The following CSMD1 variants were observed in gnomAD, a reference collection of about 807,000 sequenced individuals.
CSMD1 encodes the protein CUB and sushi domain-containing protein 1.
CSMD1 carries 213 observed loss-of-function variants against 417.5 expected under a neutral mutation model. The observed-to-expected ratio is 0.51, with a 90% CI of 0.46 to 0.57. The LOEUF is 0.57. CSMD1 is among the 20% of genes least tolerant of loss of function. CSMD1 has a pLI of 0.00. For synonymous variants in CSMD1, 2,862 were observed against 1,736.8 expected (o/e 1.65, Z -16.11); for missense variants, 6,923 against 4,529.7 (o/e 1.53, Z -15.17).
intron 2 of CSMD1, among the ~76,000 whole-genome samples, chr8:4,549,375 T>A (rs559983452): frequency 6.6e-6 from 1 of 152,260 alleles, no homozygotes; most frequent in African/African-American, 2.4e-5. Flanking sequence ...GGTATATTGG[T>A]TAACCTAAAC....
At chr8:3,622,610 T>C (rs966590228) in intron 7 of CSMD1, among the ~76,000 whole-genome samples, 5 of 152,212 alleles carry the variant, frequency 3.3e-5, no homozygotes, top group Non-Finnish European at 5.9e-5. Context: ...CAAAATGATT[T>C]AGACAAGCCT....
intron 2 of CSMD1, among the ~76,000 whole-genome samples, chr8:4,560,209 G>A (rs1443719028): frequency 2.0e-5 from 3 of 152,228 alleles, no homozygotes; most frequent in African/African-American, 7.2e-5. Context: ...AGCAGCAGCA[G>A]CAAAGCTAAG....
chr8:4,283,458 T>G (rs1347256279), intron 3 of CSMD1, among the ~76,000 whole-genome samples: 1 of 152,192 alleles, frequency 6.6e-6, no homozygotes, highest in Non-Finnish European at 1.5e-5. Flanking sequence ...AATTATCTCT[T>G]GCATTTTTAC....
Position 4,110,737 on chromosome 8 carries a change from C to T in CSMD1, c.416-78638G>A, listed in dbSNP as rs181883387. On this transcript the variant is annotated intron_variant, in intron 3 of 69. Transcript: ENST00000635120. ...TTTTCCCCTTTCTCATGCTCTCAAC[C>T]ATCCAGAGGTTCATGAACTCAGATT... Among the ~76,000 whole-genome samples the T allele has an allele frequency of 3.5e-3, 535 of 152,136 alleles. 3 individuals carry two copies. Among genetic ancestry groups the T allele is most frequent in the Middle Eastern group, 0.02 (6 of 294 alleles).
intron 12 of CSMD1, among the ~76,000 whole-genome samples, chr8:3,429,599 A>G (rs756556105): frequency 1.1e-4 from 17 of 152,328 alleles, no homozygotes; most frequent in East Asian, 3.9e-4. Context: ...ACAATGTTCA[A>G]TATCTTGACG....
intron 10 of CSMD1, among the ~76,000 whole-genome samples, chr8:3,538,246 G>C (rs1383295966): frequency 6.6e-6 from 1 of 152,214 alleles, no homozygotes; most frequent in Non-Finnish European, 1.5e-5. Context: ...GCACACCTGA[G>C]ATGCCTCACC....
chr8:4,124,676 G>A (rs1381157163), intron 3 of CSMD1, among the ~76,000 whole-genome samples: 3 of 152,170 alleles, frequency 2.0e-5, no homozygotes, highest in Non-Finnish European at 4.4e-5. Context: ...TAATCTGGCT[G>A]GACTTCCTAG....
At chr8:3,336,178 G>A (rs1807251050) in intron 23 of CSMD1, among the ~76,000 whole-genome samples, 1 of 152,076 alleles carries the variant, frequency 6.6e-6, no homozygotes, top group African/African-American at 2.4e-5. Context: ...AGTAACTGTG[G>A]GGTTTTCATC....
chr8:3,178,929 C>T (rs1003704468), intron 37 of CSMD1, among the ~76,000 whole-genome samples: 13 of 150,708 alleles, frequency 8.6e-5, no homozygotes, highest in African/African-American at 3.2e-4. Context: ...TCTACAAATA[C>T]TTTCTATAAT....
chr8:3,706,118 G>C (rs531658749), intron 7 of CSMD1, among the ~76,000 whole-genome samples: 1 of 152,224 alleles, frequency 6.6e-6, no homozygotes, highest in African/African-American at 2.4e-5. Flanking sequence ...CGTTCGCCCC[G>C]TGTGGTTCAC....
Position 4,236,026 on chromosome 8 carries a change from G to GTTT in CSMD1, c.415+183924_415+183926dup, listed in dbSNP as rs147378202. 2.2e-4 allele frequency among the ~76,000 whole-genome samples: 24 copies of GTTT among 108,082 alleles called. 1 individual carries two copies. Among genetic ancestry groups the GTTT allele is most frequent in the African/African-American group, 9.7e-4 (23 of 23,724 alleles). 70.9% of individuals were successfully genotyped at this position (108,082 alleles called of 152,430 possible). On this transcript the variant is annotated intron_variant, in intron 3 of 69. Transcript: ENST00000635120. The stretch of plus-strand genomic sequence containing the variant: ...GTGAGCAAAGAGGTTAATGGATATT[G>GTTT]TTTTTTTTGTTTGTTTTTTTTTTTT...
At chr8:4,881,085 C>T (rs775208088) in intron 1 of CSMD1, among the ~76,000 whole-genome samples, 26 of 151,966 alleles carry the variant, frequency 1.7e-4, no homozygotes, top group Non-Finnish European at 3.4e-4. Flanking sequence ...CCAGCTACTC[C>T]AGCCCACATT....
At chr8:4,038,780 G>C (rs1183137362) in intron 3 of CSMD1, among the ~76,000 whole-genome samples, 9 of 152,222 alleles carry the variant, frequency 5.9e-5, no homozygotes, top group Non-Finnish European at 1.0e-4. Flanking sequence ...TTTCTTGAAA[G>C]AGCTCTGGGC....
chr8:3,984,026 C>G (rs1159769599), intron 5 of CSMD1, among the ~76,000 whole-genome samples: 1 of 148,352 alleles, frequency 6.7e-6, no homozygotes, highest in Non-Finnish European at 1.5e-5. Flanking sequence ...AATTGCAGCT[C>G]TAGAGCACAC....
At chr8:4,833,969 C>T (rs1372370662) in intron 1 of CSMD1, among the ~76,000 whole-genome samples, 1 of 152,124 alleles carries the variant, frequency 6.6e-6, no homozygotes, top group African/African-American at 2.4e-5. Flanking sequence ...TATCTTAGCA[C>T]CTTGAAGAGT....
chr8:4,897,712 A>G (rs923699117), intron 1 of CSMD1, among the ~76,000 whole-genome samples: 1 of 152,120 alleles, frequency 6.6e-6, no homozygotes, highest in Non-Finnish European at 1.5e-5. Context: ...AATACATTCT[A>G]TCTGCGTATT....
chr8:4,183,675 T>A (rs1034423494), intron 3 of CSMD1, among the ~76,000 whole-genome samples: 1 of 152,184 alleles, frequency 6.6e-6, no homozygotes, highest in African/African-American at 2.4e-5. Context: ...ACAAAAATAA[T>A]TTTGTTGTGA....
chr8:3,184,569 G>A (rs541129719), intron 36 of CSMD1, among the ~76,000 whole-genome samples: 10 of 152,210 alleles, frequency 6.6e-5, no homozygotes, highest in South Asian at 2.1e-4. Context: ...TTCTTCTTAC[G>A]CATTTGTTCT....
intron 10 of CSMD1, among the ~76,000 whole-genome samples, chr8:3,568,683 C>T (rs1486290248): frequency 6.6e-6 from 1 of 151,936 alleles, no homozygotes; most frequent in Admixed American, 6.6e-5. Context: ...AGCTGATATA[C>T]TGTATATGTG....
Sources: gnomAD v4.1 joint callset for allele counts (sites outside exome capture counted in the v4.1 genomes callset) on GRCh38, gnomAD v4.1.1 for gene constraint, MANE v1.5 for transcripts, NCBI Gene and HGNC (gene_info 2026-07-23, HGNC 2026-07-21) for gene names.